EMB: variants seen among roughly 807,000 people sequenced by gnomAD.
The protein encoded by EMB is embigin homolog.
In EMB, 31 loss-of-function variants were observed where a neutral mutation model predicts 41.4. That is an observed-to-expected ratio of 0.75 (90% CI 0.56 to 1.01). The LOEUF is 1.01. Among genes scored for constraint, EMB ranks in the 50% least tolerant of loss-of-function variants. EMB has a pLI of 0.00. For synonymous variants in EMB, 137 were observed against 140.4 expected (o/e 0.98, Z 0.17); for missense variants, 379 against 388.3 (o/e 0.98, Z 0.20).
intron 2 of EMB, among the ~76,000 whole-genome samples, chr5:50,421,821 C>T (rs1272258968): frequency 1.4e-5 from 2 of 147,872 alleles, no homozygotes; most frequent in African/African-American, 5.0e-5. Flanking sequence ...CACACGTTCT[C>T]ACTCATAGAT....
rs555491559 is a variant in EMB, at chr5:50,398,136, T to C, written c.*1137A>G. The C allele has an allele frequency of 1.3e-5, 2 of 151,580 alleles. No individual in the cohort carries two copies. The highest frequency in any genetic ancestry group is 1.3e-4 in the Admixed American group (2 of 15,100). The allele number at this position is 151,580 out of a possible 1,614,324, so 9.4% of individuals were successfully genotyped here. On this transcript the variant is annotated 3_prime_UTR_variant, in exon 9 of 9. Coordinates refer to ENST00000303221, the MANE Select transcript of EMB (RefSeq NM_198449.3). ...GCCCTTTGAGCAGTGGGACACTTCA[T>C]GGTCATTTATGTTATCTAGTATCTT...
chr5:50,401,586 A>T (rs928063656), intron 7 of EMB, among the ~76,000 whole-genome samples: 31 of 152,080 alleles, frequency 2.0e-4, no homozygotes, highest in African/African-American at 7.5e-4. Context: ...TCTGGCTTCG[A>T]GGAATTCGGA....
chr5:50,426,413 AAATATT>A (rs1318909970), intron 2 of EMB, among the ~76,000 whole-genome samples: 1 of 152,232 alleles, frequency 6.6e-6, no homozygotes, highest in Non-Finnish European at 1.5e-5. Context: ...AATATTTTAA[AAATATT>A]AAATAAGTAA....
rs1745117024 is a variant in EMB at position 50,399,126 on chromosome 5, C to T, written c.*147G>A. 7.7e-6 allele frequency: 8 copies of T among 1,040,690 alleles called. No individual in the cohort carries two copies. Among genetic ancestry groups the T allele is most frequent in the Middle Eastern group, 4.5e-4 (2 of 4,448 alleles). The allele number at this position is 1,040,690 out of a possible 1,614,324, so 64.5% of individuals were successfully genotyped here. The stretch of plus-strand genomic sequence containing the variant: ...ATATACCTTTAGATCTGACATATAT[C>T]GTTGATGAAGCTCCTGCTGAGCATG... On this transcript the variant is annotated 3_prime_UTR_variant, in exon 9 of 9. Transcript: ENST00000303221.
chr5:50,401,925 AAAT>A (rs1185582350), intron 7 of EMB, among the ~76,000 whole-genome samples: 5 of 151,992 alleles, frequency 3.3e-5, no homozygotes, highest in Non-Finnish European at 7.4e-5. Flanking sequence ...ATTGCTTTAA[AAAT>A]AATAATATTA....
intron 1 of EMB, among the ~76,000 whole-genome samples, chr5:50,439,323 T>C (rs1204822808): frequency 6.8e-6 from 1 of 146,818 alleles, no homozygotes; most frequent in Non-Finnish European, 1.5e-5. Context: ...TTTTTCTTTC[T>C]TTTTTTTTGA....
chr5:50,438,376 C>T (rs1424636025), intron 1 of EMB, among the ~76,000 whole-genome samples: 2 of 152,122 alleles, frequency 1.3e-5, no homozygotes, highest in Non-Finnish European at 2.9e-5. Context: ...TGCAGAGGTT[C>T]TCAGAACTGC....
At chr5:50,442,648 T>C (rs1446783210), upstream of EMB, among the ~76,000 whole-genome samples, 1 of 152,224 alleles carries the variant, frequency 6.6e-6, no homozygotes, top group Non-Finnish European at 1.5e-5. Flanking sequence ...CTTCAAGGAC[T>C]AAATCTTATA....
At position 50,403,292 on chromosome 5, in the gene EMB, G is replaced by A. The variant is rs754838794; in HGVS notation, c.763C>T (p.Leu255=). The change falls in exon 6 of 9, where the codon CTG becomes TTG. Residue 255 remains leucine, a synonymous_variant. Coordinates refer to ENST00000303221, the MANE Select transcript of EMB (RefSeq NM_198449.3). ...GGTTTGAGGGGCACCAAATAGCTCA[G>A]CACCACAAGCTCAATGTGTTCTTCA... ...ESEEHIELVV[L]SYLVPLKPFL... 4.3e-6 allele frequency: 7 copies of A among 1,612,666 alleles called. No homozygotes were observed. Among genetic ancestry groups the A allele is most frequent in the East Asian group, 2.2e-5 (1 of 44,850 alleles).
chr5:50,428,006 C>T (rs1339682957), intron 2 of EMB, 138 bp downstream of exon 2: 2 of 591,228 alleles, frequency 3.4e-6, no homozygotes, highest in Non-Finnish European at 6.0e-6. Context: ...AGATTCCCAG[C>T]TCACTACTGG....
upstream of EMB, chr5:50,441,317 C>G (rs1277281833): frequency 5.0e-6 from 2 of 399,366 alleles, no homozygotes; most frequent in Admixed American, 9.0e-5. Flanking sequence ...GGCCGCCTTG[C>G]CCCACTCCCC....
intron 1 of EMB, among the ~76,000 whole-genome samples, chr5:50,439,434 G>A (rs1745858694): frequency 6.6e-6 from 1 of 151,356 alleles, no homozygotes; most frequent in Admixed American, 6.6e-5. Context: ...TTTCTGCCTT[G>A]GCATCCCAAG....
At chr5:50,418,943 C>T (rs1234617110) in intron 2 of EMB, among the ~76,000 whole-genome samples, 3 of 152,238 alleles carry the variant, frequency 2.0e-5, no homozygotes, top group Non-Finnish European at 4.4e-5. Context: ...TGCACTCCTT[C>T]CATTTTATTA....
intron 3 of EMB, 82 bp downstream of exon 3, chr5:50,411,115 A>G: frequency 3.8e-6 from 5 of 1,299,864 alleles, no homozygotes; most frequent in Non-Finnish European, 5.3e-6. Context: ...GTGGCTGCAG[A>G]GGAAAGAATG....
intron 7 of EMB, among the ~76,000 whole-genome samples, chr5:50,401,390 C>G (rs1201378588): frequency 6.6e-6 from 1 of 152,022 alleles, no homozygotes; most frequent in Non-Finnish European, 1.5e-5. Context: ...CCATAGAGCT[C>G]CTGTTGGCTG....
At chr5:50,407,979 T>G (rs969477080) in intron 4 of EMB, among the ~76,000 whole-genome samples, 2 of 152,004 alleles carry the variant, frequency 1.3e-5, no homozygotes, top group African/African-American at 2.4e-5. Flanking sequence ...CAAAGACTTT[T>G]AGGTACCACT....
intron 2 of EMB, among the ~76,000 whole-genome samples, chr5:50,423,614 A>T (rs1199898716): frequency 2.0e-5 from 3 of 152,108 alleles, no homozygotes; most frequent in African/African-American, 7.2e-5. Flanking sequence ...AACAGCAGGG[A>T]TTATGTCACC....
intron 2 of EMB, among the ~76,000 whole-genome samples, chr5:50,426,911 A>C (rs1005974356): frequency 2.6e-5 from 4 of 151,696 alleles, no homozygotes; most frequent in East Asian, 3.8e-4. Context: ...AAAAAAAAAA[A>C]AAAACACTTA....
At chr5:50,421,087 G>A (rs1328774840) in intron 2 of EMB, among the ~76,000 whole-genome samples, 1 of 152,122 alleles carries the variant, frequency 6.6e-6, no homozygotes, top group Admixed American at 6.5e-5. Flanking sequence ...CAAATAAAAT[G>A]AGATCTAAAT....
Sources: allele counts gnomAD v4.1 joint callset (sites outside exome capture counted in the v4.1 genomes callset), GRCh38; gene constraint gnomAD v4.1.1; transcripts MANE v1.5; gene names NCBI Gene and HGNC (gene_info 2026-07-23, HGNC 2026-07-21).